ARHGAP28: variants seen among roughly 807,000 people sequenced by gnomAD.
ARHGAP28 encodes the protein rho GTPase-activating protein 28.
Under a neutral mutation model 90.7 loss-of-function variants are expected in ARHGAP28, and 56 were observed. The observed-to-expected ratio is 0.62, with a 90% CI of 0.50 to 0.77. The LOEUF (loss-of-function observed/expected upper bound fraction) is 0.77. Ranked by LOEUF, ARHGAP28 falls within the 30% of genes least tolerant of loss-of-function variation. ARHGAP28 has a pLI of 0.00. For synonymous variants in ARHGAP28, 308 were observed against 323.3 expected, an observed-to-expected ratio of 0.95 and a Z score of 0.51; for missense variants, 869 against 900.9, an observed-to-expected ratio of 0.96 and a Z score of 0.45.
At chr18:6,801,049 A>G (rs538821012) in intron 1 of ARHGAP28, among the ~76,000 whole-genome samples, 2 of 152,280 alleles carry the variant, frequency 1.3e-5, no homozygotes, top group South Asian at 2.1e-4. Flanking sequence ...GTTGTGTCCT[A>G]TCTTTCAAAT....
chr18:6,812,021 C>T (rs992119074), intron 1 of ARHGAP28, among the ~76,000 whole-genome samples: 1 of 152,102 alleles, frequency 6.6e-6, no homozygotes, highest in African/African-American at 2.4e-5. Flanking sequence ...TCAATGAATA[C>T]TTTTGCAGGT....
At chr18:6,906,742 T>C (rs1345732630) in intron 16 of ARHGAP28, among the ~76,000 whole-genome samples, 1 of 152,032 alleles carries the variant, frequency 6.6e-6, no homozygotes. Flanking sequence ...GAGCTTGACA[T>C]AAAAAATGTG....
intron 10 of ARHGAP28, among the ~76,000 whole-genome samples, 169 bp from the exon 11 acceptor site, chr18:6,881,968 C>T (rs1446547166): frequency 6.6e-6 from 1 of 152,046 alleles, no homozygotes; most frequent in Non-Finnish European, 1.5e-5. Flanking sequence ...AAAAATTCAT[C>T]CTCACATAGC....
At chr18:6,786,510 G>A (rs1386112579) in intron 1 of ARHGAP28, among the ~76,000 whole-genome samples, 1 of 152,018 alleles carries the variant, frequency 6.6e-6, no homozygotes, top group African/African-American at 2.4e-5. Flanking sequence ...CCCAGCATTC[G>A]GGCTCCATCA....
At chr18:6,763,741 T>G (rs910339992) in intron 1 of ARHGAP28, among the ~76,000 whole-genome samples, 3 of 152,194 alleles carry the variant, frequency 2.0e-5, no homozygotes, top group African/African-American at 7.2e-5. Context: ...ACAAGTGAGC[T>G]GCCAGTAGTC....
At chr18:6,745,270 G>A (rs998046983) in intron 1 of ARHGAP28, among the ~76,000 whole-genome samples, 4 of 152,172 alleles carry the variant, frequency 2.6e-5, no homozygotes, top group South Asian at 2.1e-4. Context: ...TGCCTGGGAA[G>A]AAAATGGGCT....
At chr18:6,733,152 T>A (rs2055897127) in intron 1 of ARHGAP28, among the ~76,000 whole-genome samples, 1 of 152,194 alleles carries the variant, frequency 6.6e-6, no homozygotes, top group South Asian at 2.1e-4. Context: ...CACTGGCCTT[T>A]AGAGGGAGTT....
intron 1 of ARHGAP28, among the ~76,000 whole-genome samples, chr18:6,755,765 G>A (rs2056104016): frequency 6.6e-6 from 1 of 152,140 alleles, no homozygotes; most frequent in African/African-American, 2.4e-5. Flanking sequence ...ACCATAAAAT[G>A]TAGTATTCTA....
intron 3 of ARHGAP28, among the ~76,000 whole-genome samples, chr18:6,839,360 C>T (rs952838236): frequency 3.4e-5 from 5 of 145,702 alleles, no homozygotes; most frequent in Admixed American, 7.2e-5. Flanking sequence ...GTGGCGCAAT[C>T]TCGGCTCACT....
chr18:6,784,108 G>C (rs778394549), intron 1 of ARHGAP28, among the ~76,000 whole-genome samples: 4 of 152,050 alleles, frequency 2.6e-5, no homozygotes, highest in Non-Finnish European at 2.9e-5. Flanking sequence ...GGAGCCCAGT[G>C]AAATCCATGC....
intron 16 of ARHGAP28, among the ~76,000 whole-genome samples, chr18:6,901,129 AGG>A (rs1253523964): frequency 6.6e-6 from 1 of 152,226 alleles, no homozygotes; most frequent in Non-Finnish European, 1.5e-5. Context: ...TGACCCATAA[AGG>A]ATGACTGAAG....
intron 16 of ARHGAP28, among the ~76,000 whole-genome samples, chr18:6,906,020 G>C (rs2057362901): frequency 6.6e-6 from 1 of 152,024 alleles, no homozygotes; most frequent in South Asian, 2.1e-4. Flanking sequence ...ATGATACTTT[G>C]TAAACATGCA....
intron 1 of ARHGAP28, among the ~76,000 whole-genome samples, chr18:6,785,348 G>A (rs2056357311): frequency 6.6e-6 from 1 of 152,180 alleles, no homozygotes; most frequent in Non-Finnish European, 1.5e-5. Context: ...AGAGGACCAG[G>A]TGTGTCACTC....
chr18:6,748,843 A>G (rs907306597), intron 1 of ARHGAP28, among the ~76,000 whole-genome samples: 1 of 152,110 alleles, frequency 6.6e-6, no homozygotes, highest in Non-Finnish European at 1.5e-5. Flanking sequence ...TTTGTGGCCC[A>G]TTTCCTAAAT....
Position 6,807,325 on chromosome 18 carries a change from A to G in ARHGAP28, c.123-17437A>G, listed in dbSNP as rs558827794. On this transcript the variant is annotated intron_variant, in intron 1 of 17. Coordinates refer to ENST00000383472, the MANE Select transcript of ARHGAP28 (RefSeq NM_001366230.1). ...TTTGTAGTGATTGCATTTTCTCCTC[A>G]TTATGGGTCATATTCTCTTGCTTAT... 2.0e-5 allele frequency among the ~76,000 whole-genome samples: 3 copies of G among 152,150 alleles called. No homozygotes were observed. The East Asian group carries it at 5.8e-4, about 29-fold the overall frequency.
chr18:6,855,192 CAGCCTGA>C (rs758315292), intron 4 of ARHGAP28, among the ~76,000 whole-genome samples: 55 of 152,330 alleles, frequency 3.6e-4, no homozygotes, highest in Admixed American at 6.5e-4. Flanking sequence ...AAGCCAGGAA[CAGCCTGA>C]AGCCTGGAGG....
At chr18:6,762,327 C>G (rs746407361) in intron 1 of ARHGAP28, among the ~76,000 whole-genome samples, 7 of 152,188 alleles carry the variant, frequency 4.6e-5, no homozygotes, top group Non-Finnish European at 7.3e-5. Flanking sequence ...GTAACCTGAA[C>G]TGCTTAATAT....
At chr18:6,759,992 C>T (rs901149397) in intron 1 of ARHGAP28, among the ~76,000 whole-genome samples, 8 of 152,130 alleles carry the variant, frequency 5.3e-5, no homozygotes, top group African/African-American at 1.9e-4. Context: ...TTAGGAGAAA[C>T]TTGTGATCAA....
At chr18:6,901,951 T>G (rs1189897579) in intron 16 of ARHGAP28, among the ~76,000 whole-genome samples, 1 of 152,166 alleles carries the variant, frequency 6.6e-6, no homozygotes, top group Non-Finnish European at 1.5e-5. Flanking sequence ...ATCTTGGCAT[T>G]CCATGGCTTG....
Sources: gnomAD v4.1 joint callset for allele counts (sites outside exome capture counted in the v4.1 genomes callset) on GRCh38, gnomAD v4.1.1 for gene constraint, MANE v1.5 for transcripts, NCBI Gene and HGNC (gene_info 2026-07-23, HGNC 2026-07-21) for gene names.